The following CNOT10 variants were observed in gnomAD, a reference collection of about 807,000 sequenced individuals.
The protein encoded by CNOT10 is CCR4-NOT transcription complex, subunit 10.
CNOT10 carries 30 observed loss-of-function variants against 94.6 expected under a neutral mutation model. The observed-to-expected ratio is 0.32, with a 90% CI of 0.24 to 0.43. CNOT10 has a LOEUF of 0.43. Among genes scored for constraint, CNOT10 ranks in the 20% least tolerant of loss-of-function variants. The pLI, the probability that CNOT10 is intolerant of heterozygous loss-of-function variation, is 1.00. For missense variants in CNOT10, 759 were observed against 877.2 expected (o/e 0.87, Z 1.70); for synonymous variants, 289 against 301.6 (o/e 0.96, Z 0.43).
chr3:32,754,621 G>A (rs1362085667), intron 13 of CNOT10, among the ~76,000 whole-genome samples: 2 of 135,632 alleles, frequency 1.5e-5, no homozygotes, highest in African/African-American at 5.7e-5. Flanking sequence ...CCGGGTTCAA[G>A]CAATTCTTCT....
At chr3:32,753,816 G>A in intron 13 of CNOT10, 3 of 1,582,348 alleles carry the variant, frequency 1.9e-6, no homozygotes, top group Non-Finnish European at 1.7e-6. Flanking sequence ...GAGTCTGATG[G>A]TACAGTTTTG....
Position 32,685,277 on chromosome 3 carries a change from C to A in CNOT10, c.-184C>A. 1 of 590,162 alleles carries A rather than the reference C, an allele frequency of 1.7e-6. No individual in the cohort carries two copies. The highest frequency in any genetic ancestry group is 3.0e-6 in the Non-Finnish European group (1 of 334,736). The allele number at this position is 590,162 out of a possible 1,614,324, so 36.6% of individuals were successfully genotyped here. A position where few individuals can be genotyped will look rare whatever the true frequency, so the allele number is the denominator to read the frequency against. ...TGGGGAAGCTGTTGCTGTTGCTAGA[C>A]GACGGGAACTAGCTCTCGTCACTTC... is the stretch of plus-strand genomic sequence containing the variant. On this transcript the variant is annotated 5_prime_UTR_variant, in exon 1 of 19. Coordinates refer to ENST00000328834, the MANE Select transcript of CNOT10 (RefSeq NM_015442.3).
At chr3:32,688,608 T>A (rs985024994) in intron 1 of CNOT10, among the ~76,000 whole-genome samples, 7 of 149,854 alleles carry the variant, frequency 4.7e-5, no homozygotes, top group South Asian at 4.2e-4. Flanking sequence ...AAAAAAAAAA[T>A]AATACTCAGA....
At chr3:32,763,655 A>G (rs990116865) in intron 15 of CNOT10, among the ~76,000 whole-genome samples, 9 of 152,082 alleles carry the variant, frequency 5.9e-5, no homozygotes, top group African/African-American at 2.2e-4. Context: ...GTCTGAAGAA[A>G]AAAAAAAAAT....
intron 13 of CNOT10, among the ~76,000 whole-genome samples, chr3:32,747,834 GCTC>G (rs1699768633): frequency 6.6e-6 from 1 of 152,148 alleles, no homozygotes; most frequent in Non-Finnish European, 1.5e-5. Context: ...TGTAGTCCCA[GCTC>G]CTCGGGAGGC....
chr3:32,747,662 G>A (rs971983056), intron 13 of CNOT10, among the ~76,000 whole-genome samples: 3 of 151,484 alleles, frequency 2.0e-5, no homozygotes, highest in Non-Finnish European at 4.4e-5. Flanking sequence ...TAAGACCACA[G>A]GCATGGGCTG....
chr3:32,700,020 G>A lies in CNOT10; in HGVS notation c.23-3848G>A, dbSNP rs536035997. Among the ~76,000 whole-genome samples the A allele has an allele frequency of 2.9e-3, 418 of 145,844 alleles. 5 individuals carry two copies. The highest frequency in any genetic ancestry group is 0.01 in the African/African-American group (400 of 39,062). ...AGATGAAGTCTTGCTCTGTCACCCA[G>A]GCTGGAGTGCAGTGGCATGATCTCG... On this transcript the variant is annotated intron_variant, in intron 1 of 18. Coordinates refer to ENST00000328834, the MANE Select transcript of CNOT10 (RefSeq NM_015442.3).
At chr3:32,760,548 C>G (rs1575305098) in intron 14 of CNOT10, among the ~76,000 whole-genome samples, 1 of 152,128 alleles carries the variant, frequency 6.6e-6, no homozygotes, top group African/African-American at 2.4e-5. Flanking sequence ...AGGAGAATCA[C>G]TTGAGCCTGG....
chr3:32,761,953 G>A (rs1417961727), intron 14 of CNOT10, among the ~76,000 whole-genome samples: 4 of 150,672 alleles, frequency 2.7e-5, no homozygotes, highest in Admixed American at 1.3e-4. Context: ...TGTATTTTTA[G>A]TAGAGATGGG....
intron 13 of CNOT10, among the ~76,000 whole-genome samples, chr3:32,754,774 G>A (rs1232675057): frequency 6.7e-5 from 10 of 148,986 alleles, no homozygotes; most frequent in African/African-American, 1.2e-4. Context: ...AGCCTGCCTC[G>A]GCCTCCCATA....
At chr3:32,735,298 T>C (rs955139424) in intron 12 of CNOT10, among the ~76,000 whole-genome samples, 4 of 146,196 alleles carry the variant, frequency 2.7e-5, no homozygotes, top group Non-Finnish European at 4.4e-5. Flanking sequence ...CGAGCCGAGA[T>C]TGTGCCACTG....
At chr3:32,711,434 A>G (rs2125530567) in intron 4 of CNOT10, among the ~76,000 whole-genome samples, 1 of 152,318 alleles carries the variant, frequency 6.6e-6, no homozygotes, top group African/African-American at 2.4e-5. Flanking sequence ...GTACATATTC[A>G]GTGCAGATGC....
chr3:32,715,475 A>AGT (rs1175938376), intron 5 of CNOT10, among the ~76,000 whole-genome samples: 3 of 152,282 alleles, frequency 2.0e-5, no homozygotes, highest in African/African-American at 7.2e-5. Context: ...TGGCAATATG[A>AGT]GTGTGAGTGA....
chr3:32,709,079 T>A (rs777573405), intron 4 of CNOT10, among the ~76,000 whole-genome samples: 2 of 152,226 alleles, frequency 1.3e-5, no homozygotes, highest in African/African-American at 2.4e-5. Context: ...TGTGGGGTTT[T>A]TGCTGTTTCA....
intron 13 of CNOT10, among the ~76,000 whole-genome samples, chr3:32,743,336 G>A (rs1699554947): frequency 6.6e-6 from 1 of 151,810 alleles, no homozygotes; most frequent in Non-Finnish European, 1.5e-5. Flanking sequence ...AATTTAAGAA[G>A]TATATTGTTT....
rs973530121 is a variant in CNOT10 at position 32,707,687 on chromosome 3, G to T, written c.280-983G>T. On this transcript the variant is annotated intron_variant, in intron 3 of 18. Coordinates refer to ENST00000328834, the MANE Select transcript of CNOT10 (RefSeq NM_015442.3). ...GTGTTGTGGTGCATGCCTGTAGTCCGAGCTACTCAGGAGGCTAAGGCAGGA... is the reference window on the plus strand; with the variant it reads ...GTGTTGTGGTGCATGCCTGTAGTCCTAGCTACTCAGGAGGCTAAGGCAGGA... 3.9e-5 allele frequency among the ~76,000 whole-genome samples: 6 copies of T among 152,028 alleles called. No homozygotes were observed. The East Asian group carries it at 5.8e-4, about 15-fold the overall frequency.
chr3:32,754,489 A>AAAAAAAAATAT (rs77878221), intron 13 of CNOT10, among the ~76,000 whole-genome samples: 1 of 70,214 alleles, frequency 1.4e-5, no homozygotes, highest in East Asian at 6.2e-4. Flanking sequence ...AAAAAAAAAA[A>AAAAAAAAATAT]ATACATATAT....
intron 7 of CNOT10, among the ~76,000 whole-genome samples, chr3:32,719,316 A>C (rs572802987): frequency 6.6e-6 from 1 of 152,312 alleles, no homozygotes; most frequent in South Asian, 2.1e-4. Flanking sequence ...GCTACTCAGG[A>C]GGCTGAGGCA....
chr3:32,759,111 CATT>C lies in CNOT10; in HGVS notation c.1596-345_1596-343del, dbSNP rs1036436817. Among the ~76,000 whole-genome samples the C allele has an allele frequency of 1.8e-4, 27 of 147,324 alleles. No individual in the cohort carries two copies. The East Asian group carries it at 4.6e-3, about 25-fold the overall frequency. On this transcript the variant is annotated intron_variant, in intron 13 of 18. Transcript: ENST00000328834. ...GCAAACTTCTATGGAAGTTAGTTCT[CATT>C]AGGCTATATATATATAGTGTGTGTG...
Sources: allele counts gnomAD v4.1 joint callset (sites outside exome capture counted in the v4.1 genomes callset), GRCh38; gene constraint gnomAD v4.1.1; transcripts MANE v1.5; gene names NCBI Gene and HGNC (gene_info 2026-07-23, HGNC 2026-07-21).